LRRFIP1: variants seen among roughly 807,000 people sequenced by gnomAD.
LRRFIP1 encodes LRR binding FLII interacting protein 1.
A neutral mutation model predicts 104.4 loss-of-function variants in LRRFIP1; 62 were observed. That is an observed-to-expected ratio of 0.59 (90% CI 0.48 to 0.73). The LOEUF is 0.73. Among genes scored for constraint, LRRFIP1 ranks in the 30% least tolerant of loss-of-function variants. The pLI is 0.00. For synonymous variants in LRRFIP1, 300 were observed against 299.0 expected (o/e 1.00, Z -0.03); for missense variants, 796 against 824.5 (o/e 0.97, Z 0.42).
chr2:237,759,757 A>G (rs903325230), intron 18 of LRRFIP1, among the ~76,000 whole-genome samples: 3 of 152,160 alleles, frequency 2.0e-5, no homozygotes, highest in Non-Finnish European at 2.9e-5. Flanking sequence ...TTACTGCTCC[A>G]CTTGGGGGCA....
chr2:237,759,780 C>A (rs1337252518), intron 18 of LRRFIP1, among the ~76,000 whole-genome samples: 1 of 152,182 alleles, frequency 6.6e-6, no homozygotes, highest in Non-Finnish European at 1.5e-5. Context: ...CCACAGGCCA[C>A]TACCTGTAGT....
intron 1 of LRRFIP1, among the ~76,000 whole-genome samples, chr2:237,699,591 A>T (rs1368209663): frequency 2.0e-5 from 3 of 152,094 alleles, no homozygotes; most frequent in Non-Finnish European, 4.4e-5. Context: ...ACCTCAGATG[A>T]TCCGCCTGCC....
Position 237,756,764 on chromosome 2 carries a change from C to T in LRRFIP1, c.1131+577C>T, listed in dbSNP as rs140267733. Among the ~76,000 whole-genome samples, 1,137 of 152,252 alleles carry T rather than the reference C, an allele frequency of 7.5e-3. 8 individuals are homozygous for T. Among genetic ancestry groups the T allele is most frequent in the Middle Eastern group, 0.031 (9 of 294 alleles). On this transcript the variant is annotated intron_variant, in intron 16 of 23. Coordinates refer to ENST00000308482, the MANE Select transcript of LRRFIP1 (RefSeq NM_001137550.2). Reference sequence around the variant, plus strand: ...GAGGTGTGGTAGACAGAATAATGGTCCCCCGAAGTTGCCTACATCCAGATC... The same window carrying T: ...GAGGTGTGGTAGACAGAATAATGGTTCCCCGAAGTTGCCTACATCCAGATC...
chr2:237,714,136 C>A, intron 2 of LRRFIP1, 123 bp from the exon 3 acceptor site: 1 of 604,834 alleles, frequency 1.7e-6, no homozygotes. Flanking sequence ...TTCTTATTCA[C>A]ATTTTACTGT....
At chr2:237,739,543 G>A (rs2095352235) in intron 11 of LRRFIP1, among the ~76,000 whole-genome samples, 1 of 152,192 alleles carries the variant, frequency 6.6e-6, no homozygotes, top group Non-Finnish European at 1.5e-5. Context: ...CCATGTGCAC[G>A]GATGTGTGGT....
At chr2:237,706,102 C>A (rs888757563) in intron 1 of LRRFIP1, among the ~76,000 whole-genome samples, 6 of 152,138 alleles carry the variant, frequency 3.9e-5, no homozygotes, top group Admixed American at 1.3e-4. Context: ...GTCCATGGTC[C>A]CACGCACTCA....
chr2:237,719,940 CTTTTTTTTTTTT>C (rs57355213), intron 5 of LRRFIP1, among the ~76,000 whole-genome samples: 8 of 103,974 alleles, frequency 7.7e-5, no homozygotes, highest in Non-Finnish European at 1.3e-4. Context: ...GATGAAATTA[CTTTTTTTTTTTT>C]TTTTTTTTTT....
In LRRFIP1 at chr2:237,781,056, G is replaced by A. The variant is rs2061420217; in HGVS notation, c.*1524G>A. 1.3e-5 allele frequency among the ~76,000 whole-genome samples: 2 copies of A among 151,340 alleles called. No homozygotes were observed. The highest frequency in any genetic ancestry group is 2.5e-5 in the African/African-American group (1 of 40,604). On this transcript the variant is annotated 3_prime_UTR_variant, in exon 24 of 24. Transcript: ENST00000308482. ...CGTATGAACAGGAAAGAGGAAGGAA[G>A]CTGGACGAAGCCCCTCAGGGACCCT...
At chr2:237,681,675 A>ATTATTTTTTTTTTT (rs1359912875) in intron 1 of LRRFIP1, among the ~76,000 whole-genome samples, 5 of 54,630 alleles carry the variant, frequency 9.2e-5, no homozygotes, top group Non-Finnish European at 7.4e-5. Flanking sequence ...CCGCAGTCCT[A>ATTATTTTTTTTTTT]TTCTTTTTTT....
chr2:237,642,661 T>C (rs538480352), intron 1 of LRRFIP1, among the ~76,000 whole-genome samples: 4 of 144,806 alleles, frequency 2.8e-5, no homozygotes, highest in Admixed American at 6.8e-5. Flanking sequence ...CTAGGTTCCA[T>C]GTTTCAGGTA....
At chr2:237,770,238 T>C in intron 20 of LRRFIP1, 1 of 446,374 alleles carries the variant, frequency 2.2e-6, no homozygotes, top group Non-Finnish European at 4.1e-6. Flanking sequence ...AGCCATGGAA[T>C]TGAATTTGGT....
chr2:237,650,511 G>C (rs2085753731), intron 1 of LRRFIP1, among the ~76,000 whole-genome samples: 1 of 148,670 alleles, frequency 6.7e-6, no homozygotes, highest in Admixed American at 6.6e-5. Context: ...TGGATGGCCG[G>C]GCAGGTTACG....
intron 8 of LRRFIP1, among the ~76,000 whole-genome samples, chr2:237,729,182 C>T (rs2094897623): frequency 6.6e-6 from 1 of 152,250 alleles, no homozygotes; most frequent in Non-Finnish European, 1.5e-5. Flanking sequence ...GCACCTCGGC[C>T]TCCCAAAATG....
intron 1 of LRRFIP1, among the ~76,000 whole-genome samples, chr2:237,631,014 C>T (rs1166689690): frequency 6.6e-6 from 1 of 152,216 alleles, no homozygotes; most frequent in Admixed American, 6.5e-5. Context: ...GACTTAGGGG[C>T]TCAGTGCCTG....
chr2:237,627,611 AC>A lies in LRRFIP1; in HGVS notation c.-33del. The A allele has an allele frequency of 8.3e-7, 1 of 1,212,026 alleles. No homozygotes were observed. Among genetic ancestry groups the A allele is most frequent in the Non-Finnish European group, 1.0e-6 (1 of 956,552 alleles). 75.1% of individuals were successfully genotyped at this position (1,212,026 alleles called of 1,614,324 possible). A position where few individuals can be genotyped will look rare whatever the true frequency, so the allele number is the denominator to read the frequency against. Reference sequence around the variant, plus strand: ...CGGGGCGGCGCGAGCGGCTGGAGCAACGGGCCCCGCGGCAGCTGCGGGCGAC... The same window carrying A: ...CGGGGCGGCGCGAGCGGCTGGAGCAAGGGCCCCGCGGCAGCTGCGGGCGAC... On this transcript the variant is annotated 5_prime_UTR_variant, in exon 1 of 24. Coordinates refer to ENST00000308482, the MANE Select transcript of LRRFIP1 (RefSeq NM_001137550.2).
At chr2:237,707,360 G>A (rs1428813887) in intron 1 of LRRFIP1, among the ~76,000 whole-genome samples, 1 of 149,790 alleles carries the variant, frequency 6.7e-6, no homozygotes, top group Non-Finnish European at 1.5e-5. Context: ...TAGAGCTCAG[G>A]AGTTCCTGGC....
intron 3 of LRRFIP1, 40 bp downstream of exon 3, chr2:237,714,316 GT>G: frequency 1.3e-6 from 2 of 1,556,904 alleles, no homozygotes; most frequent in Non-Finnish European, 1.8e-6. Context: ...TGCATGTACT[GT>G]TTTTTCCTTG....
chr2:237,763,588 G>C (rs780921583), intron 19 of LRRFIP1: 1 of 1,613,300 alleles, frequency 6.2e-7, no homozygotes, highest in Non-Finnish European at 8.5e-7. Context: ...CCCAAAACGA[G>C]GTGACTGAAA....
rs758891385 is a variant in LRRFIP1, at chr2:237,749,241, T to C, written c.712T>C (p.Ser238Pro). 4 of 1,613,826 alleles carry C rather than the reference T, an allele frequency of 2.5e-6. No homozygotes were observed. The highest frequency in any genetic ancestry group is 3.4e-6 in the Non-Finnish European group (4 of 1,180,006). Residue 238 changes from serine to proline, a missense_variant, in exon 13 of 24, where the codon TCT (serine) becomes CCT (proline). Transcript: ENST00000308482. ...GGGCCTGTCTGCAGCCACGCTGGCC[T>C]CTCTGGGTGGGACTTCCTCTCGGAG... is the stretch of plus-strand genomic sequence containing the variant. ...MPGLSAATLA[S>P]LGGTSSRRGS...
Sources: gnomAD v4.1 joint callset for allele counts (sites outside exome capture counted in the v4.1 genomes callset) on GRCh38, gnomAD v4.1.1 for gene constraint, MANE v1.5 for transcripts, NCBI Gene and HGNC (gene_info 2026-07-23, HGNC 2026-07-21) for gene names.